MMP26: variants seen among roughly 807,000 people sequenced by gnomAD.
The protein encoded by MMP26 is matrix metallopeptidase 26, also known as matrix metalloproteinase-26.
Under a neutral mutation model 31.0 loss-of-function variants are expected in MMP26, and 33 were observed. That is an observed-to-expected ratio of 1.06 (90% CI 0.81 to 1.42). MMP26 has a LOEUF of 1.42. MMP26 is among the 40% of genes most tolerant of loss of function. MMP26 has a pLI of 0.00. For synonymous variants in MMP26, 122 were observed against 114.9 expected, an observed-to-expected ratio of 1.06 and a Z score of -0.40; for missense variants, 347 against 316.1, an observed-to-expected ratio of 1.10 and a Z score of -0.74.
chr11:4,856,103 G>C (rs958438682), intron 2 of MMP26, among the ~76,000 whole-genome samples: 5 of 152,158 alleles, frequency 3.3e-5, no homozygotes, highest in African/African-American at 1.2e-4. Flanking sequence ...ACCAGTAGCA[G>C]CCACTGAAAA....
intron 2 of MMP26, among the ~76,000 whole-genome samples, chr11:4,981,506 T>C (rs1042590243): frequency 2.6e-5 from 4 of 152,084 alleles, no homozygotes; most frequent in African/African-American, 9.7e-5. Context: ...AGATTAAAAA[T>C]GCTACACTTT....
intron 2 of MMP26, among the ~76,000 whole-genome samples, chr11:4,951,997 A>G (rs1384130680): frequency 8.0e-6 from 1 of 124,274 alleles, no homozygotes; most frequent in Non-Finnish European, 1.8e-5. Context: ...GTAGCTCACA[A>G]GGTTCCTACA....
chr11:4,991,302 A>T, intron 5 of MMP26, 69 bp from the exon 6 acceptor site: 1 of 1,543,908 alleles, frequency 6.5e-7, no homozygotes, highest in South Asian at 1.3e-5. Flanking sequence ...TCTGAGGCTT[A>T]CTTAAGACTA....
At chr11:4,860,176 T>G (rs757300028) in intron 2 of MMP26, 1 of 470,958 alleles carries the variant, frequency 2.1e-6, no homozygotes, top group South Asian at 1.5e-5. Flanking sequence ...GTGTAATGGG[T>G]TTCGGATGGC....
At chr11:4,739,515 G>C (rs1207022398) in intron 1 of MMP26, among the ~76,000 whole-genome samples, 1 of 152,118 alleles carries the variant, frequency 6.6e-6, no homozygotes, top group Non-Finnish European at 1.5e-5. Context: ...TCTAGACCTA[G>C]GCATTGGCTA....
intron 2 of MMP26, chr11:4,849,332 AC>A (rs1346768496): frequency 1.1e-6 from 1 of 914,662 alleles, no homozygotes; most frequent in Non-Finnish European, 1.7e-6. Flanking sequence ...TGACTCATGC[AC>A]TCACATACAC....
chr11:4,953,454 T>C lies in MMP26; in HGVS notation c.-144-34614T>C, dbSNP rs1299722681. On this transcript the variant is annotated intron_variant, in intron 2 of 7. Transcript: ENST00000380390. ...GTTATCTATAATTGCAAATATTAAG[T>C]ATAATAAAGAATAAAGAATAAACAA... 6.6e-5 allele frequency among the ~76,000 whole-genome samples: 8 copies of C among 121,668 alleles called. 3 individuals are homozygous for C. Among genetic ancestry groups the C allele is most frequent in the African/African-American group, 2.2e-4 (8 of 36,042 alleles). The allele number at this position is 121,668 out of a possible 152,430, so 79.8% of individuals were successfully genotyped here.
chr11:4,941,668 G>C (rs1011569678), intron 2 of MMP26, among the ~76,000 whole-genome samples: 1 of 152,086 alleles, frequency 6.6e-6, no homozygotes, highest in Non-Finnish European at 1.5e-5. Flanking sequence ...TGACTATCAT[G>C]CTACATTTTC....
At chr11:4,803,558 C>T (rs754493830) in intron 2 of MMP26, 2 of 1,613,898 alleles carry the variant, frequency 1.2e-6, no homozygotes, top group South Asian at 2.2e-5. Context: ...AGGATGTGTA[C>T]AACTCGGGGC....
At chr11:4,796,329 G>A (rs911524784) in intron 2 of MMP26, among the ~76,000 whole-genome samples, 8 of 152,126 alleles carry the variant, frequency 5.3e-5, no homozygotes, top group African/African-American at 1.2e-4. Context: ...TAGGGATATC[G>A]TTTCTGATCC....
intron 2 of MMP26, among the ~76,000 whole-genome samples, chr11:4,842,921 G>GA (rs1158067527): frequency 1.3e-5 from 2 of 152,238 alleles, no homozygotes; most frequent in African/African-American, 4.8e-5. Context: ...ATTTTTAATG[G>GA]AAAAAATTGG....
At position 4,954,062 on chromosome 11, in the gene MMP26, T is replaced by G. The variant is rs1363498189; in HGVS notation, c.-144-34006T>G. ...GAGCAAGATTTCGTCTCAAAAAAAA[T>G]TTCTTTATTGATTTAATTGTATTTC... On this transcript the variant is annotated intron_variant, in intron 2 of 7. Transcript: ENST00000380390. Among the ~76,000 whole-genome samples, 2 of 125,962 alleles carry G rather than the reference T, an allele frequency of 1.6e-5. 1 individual carries two copies. Among genetic ancestry groups the G allele is most frequent in the African/African-American group, 5.4e-5 (2 of 37,002 alleles). 82.6% of individuals were successfully genotyped at this position (125,962 alleles called of 152,430 possible).
chr11:4,836,806 T>G (rs1849725629), intron 2 of MMP26, among the ~76,000 whole-genome samples: 2 of 151,350 alleles, frequency 1.3e-5, no homozygotes, highest in Non-Finnish European at 1.5e-5. Flanking sequence ...ACTACAGGTG[T>G]GCACCACCAT....
chr11:4,903,707 G>A (rs988695993), intron 2 of MMP26: 3 of 152,112 alleles, frequency 2.0e-5, no homozygotes, highest in Admixed American at 1.3e-4. Flanking sequence ...GTCACCTGAG[G>A]AAAAGAGAAG....
chr11:4,923,650 A>G (rs1410741186), intron 2 of MMP26: 2 of 1,613,848 alleles, frequency 1.2e-6, no homozygotes, highest in Non-Finnish European at 1.7e-6. Flanking sequence ...GGTGGGAGGC[A>G]ATGCTGAGCA....
intron 2 of MMP26, among the ~76,000 whole-genome samples, chr11:4,800,023 G>T (rs1309627822): frequency 6.6e-6 from 1 of 152,162 alleles, no homozygotes; most frequent in Admixed American, 6.5e-5. Context: ...AGTACCTGTG[G>T]CTTTTCCAGG....
At chr11:4,880,406 A>G (rs1850443129) in intron 2 of MMP26, among the ~76,000 whole-genome samples, 1 of 152,066 alleles carries the variant, frequency 6.6e-6, no homozygotes, top group Admixed American at 6.6e-5. Context: ...GATGGGAACT[A>G]CAAGTAAGAT....
In MMP26 at chr11:4,880,815, T is replaced by C. The variant is rs144855439; in HGVS notation, c.-144-107253T>C. Among the ~76,000 whole-genome samples, 784 of 152,218 alleles carry C rather than the reference T, an allele frequency of 5.2e-3. 9 individuals are homozygous for C. Among genetic ancestry groups the C allele is most frequent in the African/African-American group, 0.016 (676 of 41,526 alleles). On this transcript the variant is annotated intron_variant, in intron 2 of 7. Transcript: ENST00000380390. ...TTAATATGTCAGGGAACTTTCAGGG[T>C]ATATTCTGAATTGTGGAGGAAATAT...
intron 2 of MMP26, chr11:4,793,999 C>T (rs922497729): frequency 1.3e-5 from 2 of 152,158 alleles, no homozygotes; most frequent in African/African-American, 4.8e-5. Context: ...ATGCTAAATA[C>T]CTTGGGCAGA....
Sources: gnomAD v4.1 joint callset for allele counts (sites outside exome capture counted in the v4.1 genomes callset) on GRCh38, gnomAD v4.1.1 for gene constraint, MANE v1.5 for transcripts, NCBI Gene and HGNC (gene_info 2026-07-23, HGNC 2026-07-21) for gene names.